Variants in ALK observed in about 807,000 individuals in gnomAD.
The protein encoded by ALK is ALK tyrosine kinase receptor.
ALK carries 74 observed loss-of-function variants against 163.1 expected under a neutral mutation model. That is an observed-to-expected ratio of 0.45 (90% CI 0.38 to 0.55). The LOEUF (loss-of-function observed/expected upper bound fraction) is 0.55, where lower values mean the gene tolerates loss of function less well. ALK is among the 20% of genes least tolerant of loss of function. The pLI, the probability that ALK is intolerant of heterozygous loss-of-function variation, is 0.00. For missense variants in ALK, 2,063 were observed against 2,105.3 expected (o/e 0.98, Z 0.39); for synonymous variants, 960 against 843.2 (o/e 1.14, Z -2.40).
intron 26 of ALK, among the ~76,000 whole-genome samples, chr2:29,198,543 C>A (rs1431841759): frequency 2.0e-5 from 3 of 152,146 alleles, no homozygotes; most frequent in African/African-American, 7.2e-5. Flanking sequence ...AAAATGTAGG[C>A]TAATTCTAGT....
chr2:29,353,848 C>T (rs555105210), intron 5 of ALK, among the ~76,000 whole-genome samples: 71 of 152,308 alleles, frequency 4.7e-4, no homozygotes, highest in African/African-American at 1.7e-3. Context: ...TGCATTCAGA[C>T]TCTGCTGAAT....
intron 12 of ALK, 86 bp downstream of exon 12, chr2:29,251,019 C>T (rs1664800573): frequency 1.4e-6 from 2 of 1,426,818 alleles, no homozygotes; most frequent in Middle Eastern, 2.0e-4. Flanking sequence ...TGCCTGGGCA[C>T]CCCAGGAACA....
intron 3 of ALK, among the ~76,000 whole-genome samples, chr2:29,668,107 G>C (rs1413214651): frequency 6.6e-6 from 1 of 151,808 alleles, no homozygotes; most frequent in Non-Finnish European, 1.5e-5. Context: ...ATAATTCTTT[G>C]TATTTCTGAG....
chr2:29,302,619 A>G (rs1666403080), intron 8 of ALK, among the ~76,000 whole-genome samples: 1 of 152,242 alleles, frequency 6.6e-6, no homozygotes, highest in African/African-American at 2.4e-5. Flanking sequence ...AAGCCAAGGC[A>G]TGCACTCTCT....
Position 29,270,110 on chromosome 2 carries a change from G to C in ALK, c.2041+4989C>G, listed in dbSNP as rs184967227. On this transcript the variant is annotated intron_variant, in intron 11 of 28. Transcript: ENST00000389048. ...CGAAGACCTATTCAATAATGAAAGA[G>C]AGATCCCTCTTGAAGATCTATTCAG... Among the ~76,000 whole-genome samples, 620 of 152,250 alleles carry C rather than the reference G, an allele frequency of 4.1e-3. 2 individuals are homozygous for C. The highest frequency in any genetic ancestry group is 7.4e-3 in the Non-Finnish European group (504 of 68,010).
chr2:29,196,916 A>AT, intron 27 of ALK, 56 bp from the exon 28 acceptor site: 1 of 1,452,908 alleles, frequency 6.9e-7, no homozygotes, highest in Non-Finnish European at 9.6e-7. Context: ...TGAAAAATAT[A>AT]TTTTCTTCCA....
chr2:29,387,570 T>C (rs1330039408), intron 4 of ALK, among the ~76,000 whole-genome samples: 1 of 152,216 alleles, frequency 6.6e-6, no homozygotes, highest in Admixed American at 6.5e-5. Context: ...CTTTGGGTTT[T>C]AGTTTCCTCA....
intron 5 of ALK, among the ~76,000 whole-genome samples, chr2:29,353,865 T>C (rs1490368243): frequency 1.3e-5 from 2 of 152,360 alleles, no homozygotes; most frequent in African/African-American, 4.8e-5. Context: ...GAATTCTTCA[T>C]GGACATCCCA....
chr2:29,375,058 T>A (rs1038863063), intron 5 of ALK, among the ~76,000 whole-genome samples: 9 of 152,152 alleles, frequency 5.9e-5, no homozygotes, highest in African/African-American at 2.2e-4. Context: ...GGTCAATAAT[T>A]AACATCACAA....
At chr2:29,900,656 C>T (rs1366870201) in intron 1 of ALK, among the ~76,000 whole-genome samples, 4 of 151,252 alleles carry the variant, frequency 2.6e-5, no homozygotes, top group African/African-American at 9.7e-5. Flanking sequence ...CAAACATGGG[C>T]CATCTACACG....
At chr2:29,214,186 T>C (rs1362409735) in intron 23 of ALK, 105 bp from the exon 24 acceptor site, 1 of 935,642 alleles carries the variant, frequency 1.1e-6, no homozygotes, top group Admixed American at 2.0e-5. Flanking sequence ...ACCGTGAACA[T>C]GCAGCTACAC....
intron 3 of ALK, among the ~76,000 whole-genome samples, chr2:29,571,835 C>T (rs1301439034): frequency 3.3e-5 from 5 of 152,022 alleles, no homozygotes; most frequent in Middle Eastern, 3.4e-3. Flanking sequence ...AGGCTGGTCT[C>T]GAACTCCTGA....
In ALK at chr2:29,226,904, C is replaced by G; in HGVS notation, c.3067+18G>C. On this transcript the variant is annotated intron_variant, in intron 18 of 28. Transcript: ENST00000389048. The stretch of plus-strand genomic sequence containing the variant: ...CAGGCTATGGGCCCCTCTGCCTCCC[C>G]TGGCCCTGCCCCCTTACCAATGCAG... 1 of 1,613,992 alleles carries G rather than the reference C, an allele frequency of 6.2e-7. No homozygotes were observed. The highest frequency in any genetic ancestry group is 8.5e-7 in the Non-Finnish European group (1 of 1,180,020).
chr2:29,603,337 C>G (rs908983802), intron 3 of ALK, among the ~76,000 whole-genome samples: 3 of 152,148 alleles, frequency 2.0e-5, no homozygotes, highest in African/African-American at 7.2e-5. Context: ...CTCTGCAGGT[C>G]CATTTCAAAA....
At chr2:29,852,832 TTCTCTCTCTCTCTCTCTCTCTC>T (rs56348355) in intron 1 of ALK, among the ~76,000 whole-genome samples, 6 of 148,476 alleles carry the variant, frequency 4.0e-5, no homozygotes, top group South Asian at 2.1e-4. Flanking sequence ...GACCAGAGCT[TTCTCTCTCTCTCTCTCTCTCTC>T]TCTCTCTCTC....
intron 1 of ALK, among the ~76,000 whole-genome samples, chr2:29,777,527 C>T (rs986973868): frequency 2.0e-5 from 3 of 152,138 alleles, no homozygotes; most frequent in African/African-American, 7.2e-5. Flanking sequence ...AAACCTGAGT[C>T]AGAAATTCAT....
intron 4 of ALK, among the ~76,000 whole-genome samples, chr2:29,429,455 C>A (rs1670222976): frequency 6.6e-6 from 1 of 151,678 alleles, no homozygotes; most frequent in Non-Finnish European, 1.5e-5. Flanking sequence ...ATGTACAATT[C>A]AAAAATGATA....
chr2:29,419,722 T>C (rs1489930811), intron 4 of ALK, among the ~76,000 whole-genome samples: 1 of 151,500 alleles, frequency 6.6e-6, no homozygotes, highest in Non-Finnish European at 1.5e-5. Context: ...AACAAAATAG[T>C]CCATAGGAAA....
At chr2:29,456,643 T>C (rs1295957299) in intron 4 of ALK, among the ~76,000 whole-genome samples, 1 of 152,168 alleles carries the variant, frequency 6.6e-6, no homozygotes, top group Non-Finnish European at 1.5e-5. Flanking sequence ...GCAGTAATGA[T>C]TGCACAATAA....
Sources: gnomAD v4.1 joint callset for allele counts (sites outside exome capture counted in the v4.1 genomes callset) on GRCh38, gnomAD v4.1.1 for gene constraint, MANE v1.5 for transcripts, NCBI Gene and HGNC (gene_info 2026-07-23, HGNC 2026-07-21) for gene names.